The following FBXW2 variants were observed in gnomAD, a reference collection of about 807,000 sequenced individuals.
FBXW2 encodes the protein F-box and WD repeat domain containing 2.
A neutral mutation model predicts 46.0 loss-of-function variants in FBXW2; 12 were observed. The observed-to-expected ratio is 0.26, with a 90% confidence interval of 0.17 to 0.42. FBXW2 has a LOEUF of 0.42. Among genes scored for constraint, FBXW2 ranks in the 10% least tolerant of loss-of-function variants. The pLI is 1.00. For missense variants in FBXW2, 360 were observed against 537.0 expected (o/e 0.67, Z 3.26); for synonymous variants, 203 against 209.6 (o/e 0.97, Z 0.27).
intron 3 of FBXW2, among the ~76,000 whole-genome samples, chr9:120,784,789 C>T (rs116226192): frequency 0.01 from 1,566 of 151,562 alleles, 23 homozygotes; most frequent in African/African-American, 0.036. Flanking sequence ...GCTGTGGTGG[C>T]GCGTGCCTGT....
In FBXW2 at chr9:120,793,355, C is replaced by T. The variant is rs2044897729; in HGVS notation, c.-131G>A. The T allele has an allele frequency of 7.4e-6, 3 of 403,508 alleles. No individual in the cohort carries two copies. Among genetic ancestry groups the T allele is most frequent in the African/African-American group, 6.2e-5 (3 of 48,634 alleles). 25.0% of individuals were successfully genotyped at this position (403,508 alleles called of 1,614,324 possible). On this transcript the variant is annotated splice_region_variant and 5_prime_UTR_variant, in exon 1 of 8. Coordinates refer to ENST00000608872, the MANE Select transcript of FBXW2 (RefSeq NM_012164.4). ...ACCGGCCCCGCCTCGCATACAGACC[C>T]GGACCTGCGGCCGCTGCTCCCGGTC...
intron 3 of FBXW2, among the ~76,000 whole-genome samples, chr9:120,779,960 C>T (rs1443020620): frequency 2.0e-5 from 3 of 151,480 alleles, no homozygotes; most frequent in Admixed American, 6.6e-5. Context: ...AAGACCATCG[C>T]GAAACCCTGT....
intron 4 of FBXW2, among the ~76,000 whole-genome samples, chr9:120,776,912 G>C (rs2044508909): frequency 1.3e-5 from 2 of 151,908 alleles, no homozygotes; most frequent in Admixed American, 6.6e-5. Flanking sequence ...AGGAAGCCCA[G>C]AAAAAAATAA....
intron 5 of FBXW2, among the ~76,000 whole-genome samples, chr9:120,774,456 G>C (rs1367926689): frequency 1.3e-5 from 2 of 151,894 alleles, no homozygotes; most frequent in Non-Finnish European, 2.9e-5. Flanking sequence ...AAGTTGCAGA[G>C]AGCTATGATC....
intron 3 of FBXW2, among the ~76,000 whole-genome samples, chr9:120,783,740 G>A (rs1166210064): frequency 6.6e-6 from 1 of 152,182 alleles, no homozygotes; most frequent in African/African-American, 2.4e-5. Flanking sequence ...TTTTCAAACA[G>A]TAGGCATCCC....
intron 5 of FBXW2, among the ~76,000 whole-genome samples, chr9:120,775,213 T>G (rs955877757): frequency 2.0e-5 from 3 of 152,060 alleles, no homozygotes; most frequent in African/African-American, 7.2e-5. Context: ...CTGGCTGATT[T>G]TTGTACTTTC....
At chr9:120,785,174 G>T (rs1554808924) in intron 3 of FBXW2, among the ~76,000 whole-genome samples, 7 of 151,462 alleles carry the variant, frequency 4.6e-5, no homozygotes, top group Non-Finnish European at 1.0e-4. Context: ...ACACCCAGCT[G>T]TTTTTTTATT....
chr9:120,759,279 G>T lies in FBXW2; in HGVS notation c.*5280C>A, dbSNP rs1228277717. The T allele has an allele frequency of 1.3e-5, 2 of 152,212 alleles. No individual in the cohort carries two copies. Among genetic ancestry groups the T allele is most frequent in the African/African-American group, 4.8e-5 (2 of 41,444 alleles). The allele number at this position is 152,212 out of a possible 1,614,324, so 9.4% of individuals were successfully genotyped here. ...GCTAACCAAATTTGCCTAATTGAGG[G>T]AATCTGCTTTAATGTACAGATATAA... On this transcript the variant is annotated 3_prime_UTR_variant, in exon 8 of 8. Coordinates refer to ENST00000608872, the MANE Select transcript of FBXW2 (RefSeq NM_012164.4).
intron 5 of FBXW2, among the ~76,000 whole-genome samples, chr9:120,775,760 C>G (rs536805308): frequency 5.9e-5 from 9 of 152,302 alleles, no homozygotes; most frequent in African/African-American, 1.7e-4. Flanking sequence ...CACAATCCCA[C>G]CAGAAATACC....
chr9:120,771,219 A>T, intron 7 of FBXW2, 129 bp downstream of exon 7: 1 of 745,352 alleles, frequency 1.3e-6, no homozygotes. Flanking sequence ...AACCCTGTTT[A>T]CAAGTGATAC....
intron 6 of FBXW2, 121 bp downstream of exon 6, chr9:120,772,633 C>T: frequency 1.7e-6 from 1 of 592,512 alleles, no homozygotes; most frequent in South Asian, 2.4e-5. Context: ...TTTAAAATGG[C>T]TTGGACTAAG....
At chr9:120,778,243 T>C (rs1431662910) in intron 4 of FBXW2, 108 bp downstream of exon 4, 10 of 932,048 alleles carry the variant, frequency 1.1e-5, no homozygotes, top group African/African-American at 1.7e-5. Context: ...AGAAAGAGGG[T>C]TGAAAAAAGC....
chr9:120,776,232 G>A lies in FBXW2; in HGVS notation c.686-6C>T, dbSNP rs1379379317. 6.2e-7 allele frequency: 1 copy of A among 1,612,196 alleles called. No homozygotes were observed. Among genetic ancestry groups the A allele is most frequent in the Non-Finnish European group, 8.5e-7 (1 of 1,179,478 alleles). ...ATTGTAGTCCACGCTAAATACTAGTGCATATAATTACACAAAGTTAAAACA... is the reference window on the plus strand; with the variant it reads ...ATTGTAGTCCACGCTAAATACTAGTACATATAATTACACAAAGTTAAAACA... On this transcript the variant is annotated splice_region_variant and splice_polypyrimidine_tract_variant and intron_variant, in intron 4 of 7. Transcript: ENST00000608872.
chr9:120,767,188 T>A (rs1204733812), intron 7 of FBXW2, among the ~76,000 whole-genome samples: 1 of 152,208 alleles, frequency 6.6e-6, no homozygotes, highest in East Asian at 1.9e-4. Flanking sequence ...CATGTGTTTC[T>A]CTTATAATTA....
chr9:120,790,009 C>T (rs2044801862), intron 2 of FBXW2, among the ~76,000 whole-genome samples: 1 of 152,186 alleles, frequency 6.6e-6, no homozygotes, highest in Non-Finnish European at 1.5e-5. Flanking sequence ...ATCGACTTAT[C>T]ACGCAATAAC....
rs747900119 is a variant in FBXW2, at chr9:120,758,183, C to T, written c.*6376G>A. ...GCACCACTAACCTTACACAAAAATG[C>T]TCAGTGAGGCTGGAGTGGGGTATGG... On this transcript the variant is annotated 3_prime_UTR_variant, in exon 8 of 8. Coordinates refer to ENST00000608872, the MANE Select transcript of FBXW2 (RefSeq NM_012164.4). 1 of 152,176 alleles carries T rather than the reference C, an allele frequency of 6.6e-6. No homozygotes were observed. Among genetic ancestry groups the T allele is most frequent in the East Asian group, 1.9e-4 (1 of 5,198 alleles). The allele number at this position is 152,176 out of a possible 1,614,324, so 9.4% of individuals were successfully genotyped here.
chr9:120,786,896 T>C (rs2044734498), intron 3 of FBXW2, among the ~76,000 whole-genome samples: 2 of 152,232 alleles, frequency 1.3e-5, no homozygotes, highest in Admixed American at 1.3e-4. Context: ...TTATATTGTT[T>C]CATAAAATTA....
chr9:120,793,131 G>A lies in FBXW2; in HGVS notation c.-21+18C>T. 1 of 664,924 alleles carries A rather than the reference G, an allele frequency of 1.5e-6. No individual in the cohort carries two copies. Among genetic ancestry groups the A allele is most frequent in the Non-Finnish European group, 2.6e-6 (1 of 384,084 alleles). The allele number at this position is 664,924 out of a possible 1,614,324, so 41.2% of individuals were successfully genotyped here. On this transcript the variant is annotated intron_variant, in intron 2 of 7. Coordinates refer to ENST00000608872, the MANE Select transcript of FBXW2 (RefSeq NM_012164.4). ...CCAGGTCCCTTGCTCTCGGAATCGT[G>A]TTCCGCGCGGCACTGACCTGAGCGA...
At position 120,776,158 on chromosome 9, in the gene FBXW2, C is replaced by T. The variant is rs2044491388; in HGVS notation, c.754G>A (p.Val252Ile). Residue 252 changes from valine (V) to isoleucine (I), a missense_variant, in exon 5 of 8, where the codon GTA (valine) becomes ATA (isoleucine). Coordinates refer to ENST00000608872, the MANE Select transcript of FBXW2 (RefSeq NM_012164.4). ...VSGSADFTVK[V>I]WALSAGTCLN... is the part of the protein sequence containing the mutation. Reference sequence around the variant, plus strand: ...CATGTCCCAGCAGATAAAGCCCATACTTTCACAGTGAAGTCTGCAGAGCCG... The same window carrying T: ...CATGTCCCAGCAGATAAAGCCCATATTTTCACAGTGAAGTCTGCAGAGCCG... 2 of 1,614,082 alleles carry T rather than the reference C, an allele frequency of 1.2e-6. No homozygotes were observed. Among genetic ancestry groups the T allele is most frequent in the African/African-American group, 1.3e-5 (1 of 74,934 alleles).
Sources: allele counts gnomAD v4.1 joint callset (sites outside exome capture counted in the v4.1 genomes callset), GRCh38; gene constraint gnomAD v4.1.1; transcripts MANE v1.5; gene names NCBI Gene and HGNC (gene_info 2026-07-23, HGNC 2026-07-21).